SPEF2: variants seen among roughly 807,000 people sequenced by gnomAD.
SPEF2 encodes sperm flagella and cilia-associated protein 2.
A neutral mutation model predicts 224.6 loss-of-function variants in SPEF2; 187 were observed. That is an observed-to-expected ratio of 0.83 (90% CI 0.74 to 0.94). The LOEUF (loss-of-function observed/expected upper bound fraction) is 0.94, where lower values mean the gene tolerates loss of function less well. SPEF2 is among the 40% of genes least tolerant of loss of function. SPEF2 has a pLI of 0.00. For synonymous variants in SPEF2, 715 were observed against 707.3 expected (o/e 1.01, Z -0.17); for missense variants, 2,170 against 2,135.6 (o/e 1.02, Z -0.32).
chr5:35,789,587 C>T, intron 30 of SPEF2: 1 of 645,278 alleles, frequency 1.5e-6, no homozygotes, highest in East Asian at 2.7e-5. Context: ...CTGTGAGAAA[C>T]ATTGTTTTAA....
chr5:35,740,324 C>T, intron 23 of SPEF2, 57 bp downstream of exon 23: 1 of 1,595,540 alleles, frequency 6.3e-7, no homozygotes, highest in Admixed American at 1.7e-5. Flanking sequence ...TCTTGTCCTG[C>T]AAAACCCCAA....
intron 15 of SPEF2, chr5:35,698,062 G>T: frequency 4.4e-6 from 1 of 225,786 alleles, no homozygotes; most frequent in Non-Finnish European, 8.6e-6. Context: ...GAGAAATTGA[G>T]TAATTGGAAA....
chr5:35,790,474 TA>T, intron 30 of SPEF2: 1 of 428,026 alleles, frequency 2.3e-6, no homozygotes, highest in Non-Finnish European at 4.1e-6. Context: ...AATTTAAAAG[TA>T]AAACAGTAAC....
intron 21 of SPEF2, among the ~76,000 whole-genome samples, chr5:35,739,675 C>T (rs1004540539): frequency 2.6e-5 from 4 of 152,264 alleles, no homozygotes; most frequent in East Asian, 3.9e-4. Flanking sequence ...GCCACCACCA[C>T]GACCGCCCGC....
At chr5:35,678,520 T>C (rs1752337588) in intron 10 of SPEF2, 1 of 152,228 alleles carries the variant, frequency 6.6e-6, no homozygotes, top group Admixed American at 6.5e-5. Context: ...CTGGCTCCTC[T>C]GGAATCTGAA....
intron 19 of SPEF2, among the ~76,000 whole-genome samples, chr5:35,711,291 TTTG>T (rs1393862380): frequency 3.3e-5 from 5 of 152,186 alleles, no homozygotes; most frequent in East Asian, 1.9e-4. Flanking sequence ...GTTAAAAAAT[TTTG>T]TTATTTTGTT....
Position 35,709,048 on chromosome 5 carries a change from A to G in SPEF2, c.2766A>G (p.Pro922=), listed in dbSNP as rs201770085. Residue 922 remains proline, a synonymous_variant, in exon 19 of 37, where the codon CCA becomes CCG. Transcript: ENST00000356031. ...CTCCTCCTGCTCCTCCTCCTGAACC[A>G]GAAAAAGAGAAGGAAATTCATCAAA... The part of the protein sequence containing the change: ...PTPPPAPPPE[P]EKEKEIHQSH... 5 of 1,613,972 alleles carry G rather than the reference A, an allele frequency of 3.1e-6. No homozygotes were observed. Among genetic ancestry groups the G allele is most frequent in the Non-Finnish European group, 4.2e-6 (5 of 1,179,950 alleles).
At chr5:35,693,132 TAGGGG>T (rs1345370877) in intron 12 of SPEF2, among the ~76,000 whole-genome samples, 2 of 152,206 alleles carry the variant, frequency 1.3e-5, no homozygotes, top group African/African-American at 4.8e-5. Context: ...ATGATTGTTT[TAGGGG>T]AACTCAAGAA....
At position 35,659,112 on chromosome 5, in the gene SPEF2, GA is replaced by G; in HGVS notation, c.1076del (p.Lys359ArgfsTer78). 1 of 1,613,308 alleles carries G rather than the reference GA, an allele frequency of 6.2e-7. No homozygotes were observed. The highest frequency in any genetic ancestry group is 2.2e-5 in the East Asian group (1 of 44,828). On this transcript the variant is annotated frameshift_variant, in exon 8 of 37. Transcript: ENST00000356031. LOFTEE classifies it high-confidence loss of function. ...IAVQLMHVRHEKEVLWQNRIF... is the reference protein window; with the variant it reads ...IAVQLMHVRHXKEVLWQNRIF... ...CGTGCAGCTCATGCATGTTCGGCAT[GA>G]AAAGGAAGTTTTATGGCAAAACAGA...
chr5:35,779,420 C>G (rs575800576), intron 30 of SPEF2, 74 bp downstream of exon 30: 1 of 1,102,450 alleles, frequency 9.1e-7, no homozygotes, highest in Non-Finnish European at 1.3e-6. Flanking sequence ...CACTTGCCAA[C>G]AAGTAAAATC....
intron 26 of SPEF2, among the ~76,000 whole-genome samples, chr5:35,766,104 T>C (rs1176480708): frequency 6.6e-6 from 1 of 152,122 alleles, no homozygotes; most frequent in African/African-American, 2.4e-5. Flanking sequence ...TCCTTTCTCA[T>C]GCTATCTTTG....
intron 10 of SPEF2, among the ~76,000 whole-genome samples, chr5:35,672,158 G>T (rs1190065142): frequency 1.3e-5 from 2 of 151,042 alleles, no homozygotes; most frequent in African/African-American, 2.4e-5. Context: ...GTCCACGTTT[G>T]TCATTATTAA....
intron 34 of SPEF2, 116 bp from the exon 35 acceptor site, chr5:35,806,591 G>T (rs894314396): frequency 7.6e-7 from 1 of 1,311,304 alleles, no homozygotes; most frequent in Non-Finnish European, 1.0e-6. Flanking sequence ...GCTAGTTTGT[G>T]GTAGGCTCTG....
In SPEF2 at chr5:35,641,475, C is replaced by G. The variant is rs771501026; in HGVS notation, c.206C>G (p.Thr69Arg). ...KLNNFSRLEP[T>R]LNLLGVQFDQ... ...AATAATTTTTCTCGCTTGGAGCCAACACTTAACCTTCTGGGTGTGCAGTTT... is the reference window on the plus strand; with the variant it reads ...AATAATTTTTCTCGCTTGGAGCCAAGACTTAACCTTCTGGGTGTGCAGTTT... Residue 69 changes from threonine to arginine, a missense_variant, in exon 3 of 37, where the codon ACA becomes AGA. Thr to Arg is a moderately conservative substitution (Grantham distance 71, BLOSUM62 -1). Coordinates refer to ENST00000356031, the MANE Select transcript of SPEF2 (RefSeq NM_024867.4). 6.2e-7 allele frequency: 1 copy of G among 1,613,784 alleles called. No homozygotes were observed. The highest frequency in any genetic ancestry group is 2.2e-5 in the East Asian group (1 of 44,870).
Position 35,806,612 on chromosome 5 carries a change from A to T in SPEF2, c.5011-95A>T, listed in dbSNP as rs548581690. The T allele has an allele frequency of 6.8e-6, 10 of 1,460,330 alleles. No homozygotes were observed. In the South Asian group the frequency reaches 1.3e-4, roughly 19 times the overall value. 90.5% of individuals were successfully genotyped at this position (1,460,330 alleles called of 1,614,324 possible). A position where few individuals can be genotyped will look rare whatever the true frequency, so the allele number is the denominator to read the frequency against. On this transcript the variant is annotated intron_variant, in intron 34 of 36. Transcript: ENST00000356031. Reference sequence around the variant, plus strand: ...TTGTGGTAGGCTCTGTCATTCATGAAAAGTGTGTGATTATGAAATTGGTAT... The same window carrying T: ...TTGTGGTAGGCTCTGTCATTCATGATAAGTGTGTGATTATGAAATTGGTAT...
At chr5:35,734,282 T>C (rs1746156557) in intron 21 of SPEF2, among the ~76,000 whole-genome samples, 1 of 152,212 alleles carries the variant, frequency 6.6e-6, no homozygotes, top group Non-Finnish European at 1.5e-5. Flanking sequence ...CCGTTACATA[T>C]GCCAAGAACA....
chr5:35,777,920 G>A (rs1753828581), intron 29 of SPEF2, among the ~76,000 whole-genome samples: 2 of 152,054 alleles, frequency 1.3e-5, no homozygotes, highest in South Asian at 4.1e-4. Context: ...CACATTTGGA[G>A]TCCCTCCTCA....
intron 19 of SPEF2, chr5:35,710,906 T>G (rs963556170): frequency 8.1e-6 from 8 of 983,332 alleles, no homozygotes; most frequent in African/African-American, 1.7e-5. Flanking sequence ...TGCCTGATAT[T>G]TAAGAATGTT....
chr5:35,675,556 T>C (rs1751859323), intron 10 of SPEF2: 1 of 144,484 alleles, frequency 6.9e-6, no homozygotes, highest in Non-Finnish European at 1.5e-5. Context: ...TGAGAGGGAG[T>C]CTCGCTCTCG....
Sources: allele counts gnomAD v4.1 joint callset (sites outside exome capture counted in the v4.1 genomes callset), GRCh38; gene constraint gnomAD v4.1.1; transcripts MANE v1.5; gene names NCBI Gene and HGNC (gene_info 2026-07-23, HGNC 2026-07-21).